UIMC1: variants seen among roughly 807,000 people sequenced by gnomAD.
The protein encoded by UIMC1 is BRCA1-A complex subunit RAP80.
Under a neutral mutation model 84.9 loss-of-function variants are expected in UIMC1, and 42 were observed. That is an observed-to-expected ratio of 0.49 (90% CI 0.39 to 0.64). The LOEUF is 0.64. UIMC1 is among the 30% of genes least tolerant of loss of function. The pLI, the probability that UIMC1 is intolerant of heterozygous loss-of-function variation, is 0.00. For synonymous variants in UIMC1, 281 were observed against 293.0 expected (o/e 0.96, Z 0.42); for missense variants, 825 against 847.6 (o/e 0.97, Z 0.33).
At chr5:176,937,892 CTT>C (rs1763902236) in intron 10 of UIMC1, among the ~76,000 whole-genome samples, 1 of 152,098 alleles carries the variant, frequency 6.6e-6, no homozygotes, top group East Asian at 1.9e-4. Context: ...GCTTATGTGT[CTT>C]CAAGAAAAGT....
At position 176,907,013 on chromosome 5, in the gene UIMC1, G is replaced by A. The variant is rs897810463; in HGVS notation, c.1912+101C>T. The A allele has an allele frequency of 3.2e-6, 4 of 1,234,234 alleles. No individual in the cohort carries two copies. In the African/African-American group the frequency reaches 4.5e-5, roughly 14 times the overall value. 76.5% of individuals were successfully genotyped at this position (1,234,234 alleles called of 1,614,324 possible). On this transcript the variant is annotated intron_variant, in intron 13 of 14. Transcript: ENST00000511320. ...AAGGCTGGCTGACTGGATCACGTGT[G>A]TACCCAGATAACCACAGCAAATAGT... is the stretch of plus-strand genomic sequence containing the variant.
At chr5:177,005,630 G>C (rs1775143397) in intron 1 of UIMC1, among the ~76,000 whole-genome samples, 1 of 151,978 alleles carries the variant, frequency 6.6e-6, no homozygotes, top group Admixed American at 6.6e-5. Context: ...CAGCGGATAA[G>C]CTGGTAAAGG....
At chr5:176,934,345 G>A (rs1473871702) in intron 10 of UIMC1, among the ~76,000 whole-genome samples, 14 of 152,182 alleles carry the variant, frequency 9.2e-5, no homozygotes, top group Non-Finnish European at 1.6e-4. Flanking sequence ...CAAATTCCAT[G>A]AGAATGCAGG....
At chr5:176,980,688 G>C (rs1395928864) in intron 2 of UIMC1, among the ~76,000 whole-genome samples, 1 of 151,340 alleles carries the variant, frequency 6.6e-6, no homozygotes, top group Non-Finnish European at 1.5e-5. Flanking sequence ...TAACATATCT[G>C]TATCTGTGTA....
At chr5:176,939,418 A>T (rs1171381909) in intron 10 of UIMC1, among the ~76,000 whole-genome samples, 1 of 152,224 alleles carries the variant, frequency 6.6e-6, no homozygotes, top group Non-Finnish European at 1.5e-5. Context: ...TGCCACAAAA[A>T]GACATTTCAG....
At chr5:176,986,359 CAAAAAAAAAAAAAAAA>C (rs71583560) in intron 1 of UIMC1, among the ~76,000 whole-genome samples, 5 of 28,004 alleles carry the variant, frequency 1.8e-4, no homozygotes, top group Admixed American at 1.5e-3. Flanking sequence ...GACTTCATCT[CAAAAAAAAAAAAAAAA>C]AAAAAAAAAA....
chr5:176,958,066 A>T, intron 7 of UIMC1, 27 bp downstream of exon 7: 1 of 1,610,740 alleles, frequency 6.2e-7, no homozygotes, highest in Non-Finnish European at 8.5e-7. Context: ...ATCAGAGGAG[A>T]ATGCATAGCA....
chr5:177,020,683 G>T (rs1487180246), intron 1 of UIMC1, among the ~76,000 whole-genome samples: 2 of 152,030 alleles, frequency 1.3e-5, no homozygotes, highest in Non-Finnish European at 2.9e-5. Flanking sequence ...CACCTGCCTC[G>T]GCCTCCCAAA....
chr5:177,005,091 G>A (rs1370273238), intron 1 of UIMC1, among the ~76,000 whole-genome samples: 1 of 151,488 alleles, frequency 6.6e-6, no homozygotes, highest in African/African-American at 2.4e-5. Context: ...AGGGTTTTAA[G>A]AGACAGGGTC....
At chr5:176,983,069 G>A (rs560374043) in intron 1 of UIMC1, among the ~76,000 whole-genome samples, 1 of 152,270 alleles carries the variant, frequency 6.6e-6, no homozygotes, top group South Asian at 2.1e-4. Flanking sequence ...CCTGACCTCA[G>A]GTCATCTGCC....
At chr5:176,939,042 CA>C (rs1764079295) in intron 10 of UIMC1, among the ~76,000 whole-genome samples, 1 of 151,578 alleles carries the variant, frequency 6.6e-6, no homozygotes, top group East Asian at 1.9e-4. Context: ...TGCTTGGGCC[CA>C]GGAGTTCAAG....
At chr5:176,971,536 C>T (rs186196949) in intron 3 of UIMC1, among the ~76,000 whole-genome samples, 51 of 152,284 alleles carry the variant, frequency 3.3e-4, no homozygotes, top group Middle Eastern at 3.4e-3. Flanking sequence ...AAATAAAGTC[C>T]TCACTGGCCA....
chr5:176,975,587 TTGTTA>T, intron 2 of UIMC1, 107 bp from the exon 3 acceptor site: 1 of 1,000,598 alleles, frequency 1.0e-6, no homozygotes, highest in Non-Finnish European at 1.5e-6. Context: ...GAATTGGTGA[TTGTTA>T]TAAATATGCA....
At chr5:176,990,303 A>T (rs1271517812) in intron 1 of UIMC1, among the ~76,000 whole-genome samples, 1 of 152,088 alleles carries the variant, frequency 6.6e-6, no homozygotes, top group South Asian at 2.1e-4. Context: ...TGCCCCTTTT[A>T]CCCTTCTGCC....
At chr5:176,909,373 G>T (rs933894824) in intron 11 of UIMC1, among the ~76,000 whole-genome samples, 2 of 152,154 alleles carry the variant, frequency 1.3e-5, no homozygotes, top group African/African-American at 4.8e-5. Context: ...AGAAAAAAAT[G>T]AGTATTTATT....
intron 1 of UIMC1, among the ~76,000 whole-genome samples, chr5:177,013,288 G>A (rs1282154139): frequency 6.6e-6 from 1 of 151,600 alleles, no homozygotes; most frequent in African/African-American, 2.4e-5. Context: ...TTGAACTCAG[G>A]AGGCGGAGGT....
chr5:176,929,607 G>A (rs1762838477), intron 10 of UIMC1, among the ~76,000 whole-genome samples: 1 of 152,104 alleles, frequency 6.6e-6, no homozygotes, highest in Non-Finnish European at 1.5e-5. Flanking sequence ...AATAATCCAG[G>A]ATGGGAGTTA....
At chr5:176,931,125 C>A (rs1242029292) in intron 10 of UIMC1, among the ~76,000 whole-genome samples, 1 of 152,156 alleles carries the variant, frequency 6.6e-6, no homozygotes, top group African/African-American at 2.4e-5. Context: ...ATATTAATTT[C>A]ATCATCAGTA....
In UIMC1 at chr5:176,982,506, T is replaced by C; in HGVS notation, c.110A>G (p.Glu37Gly). The C allele has an allele frequency of 6.2e-7, 1 of 1,614,082 alleles. No individual in the cohort carries two copies. The highest frequency in any genetic ancestry group is 8.5e-7 in the Non-Finnish European group (1 of 1,180,000). Residue 37 changes from glutamate to glycine, a missense_variant, in exon 2 of 15, where the codon GAG becomes GGG. By Grantham distance (98) the Glu-to-Gly change is moderately conservative (BLOSUM62 -2). Coordinates refer to ENST00000511320, the MANE Select transcript of UIMC1 (RefSeq NM_001199298.2). ...ATCGGATATCACAATGAATGCATCC[T>C]CAAGTCTACGCTTCCTCTTCACACT... The part of the protein sequence containing the change: ...SVSVKRKRRL[E>G]DAFIVISDSD...
Sources: gnomAD v4.1 joint callset for allele counts (sites outside exome capture counted in the v4.1 genomes callset) on GRCh38, gnomAD v4.1.1 for gene constraint, MANE v1.5 for transcripts, NCBI Gene and HGNC (gene_info 2026-07-23, HGNC 2026-07-21) for gene names.